POU6F2: variants seen among roughly 807,000 people sequenced by gnomAD.
POU6F2 encodes the protein POU domain, class 6, transcription factor 2.
A neutral mutation model predicts 71.3 loss-of-function variants in POU6F2; 31 were observed. That is an observed-to-expected ratio of 0.43 (90% CI 0.33 to 0.59). The LOEUF is 0.59. Ranked by LOEUF, POU6F2 falls within the 20% of genes least tolerant of loss-of-function variation. POU6F2 has a pLI of 0.04. For missense variants in POU6F2, 783 were observed against 856.8 expected, an observed-to-expected ratio of 0.91 and a Z score of 1.07; for synonymous variants, 347 against 355.7, an observed-to-expected ratio of 0.98 and a Z score of 0.27.
chr7:39,187,991 A>G (rs1472496027), intron 2 of POU6F2, among the ~76,000 whole-genome samples: 1 of 152,190 alleles, frequency 6.6e-6, no homozygotes, highest in Non-Finnish European at 1.5e-5. Flanking sequence ...GATTTCTTCA[A>G]TGCTTCCTTC....
chr7:39,348,577 G>A (rs1786074904), intron 5 of POU6F2, among the ~76,000 whole-genome samples: 1 of 152,128 alleles, frequency 6.6e-6, no homozygotes, highest in African/African-American at 2.4e-5. Context: ...CGGCTGAATT[G>A]GGATTCCAGA....
intron 2 of POU6F2, among the ~76,000 whole-genome samples, chr7:39,140,089 C>T (rs1451958716): frequency 6.6e-6 from 1 of 152,182 alleles, no homozygotes; most frequent in Non-Finnish European, 1.5e-5. Context: ...CTTATCCCTC[C>T]CCACATCATA....
At chr7:39,228,563 GT>G (rs1794515878) in intron 4 of POU6F2, among the ~76,000 whole-genome samples, 1 of 152,218 alleles carries the variant, frequency 6.6e-6, no homozygotes, top group African/African-American at 2.4e-5. Context: ...CACCAGCAGT[GT>G]TTGTGGCACT....
At chr7:39,049,182 T>C (rs1224956350) in intron 1 of POU6F2, among the ~76,000 whole-genome samples, 1 of 151,950 alleles carries the variant, frequency 6.6e-6, no homozygotes, top group Non-Finnish European at 1.5e-5. Flanking sequence ...TGTTTTTTTC[T>C]ATTTCCTTGA....
rs201519589 is a variant in POU6F2 at position 39,464,553 on chromosome 7, G to A, written c.2030G>A (p.Arg677Gln). 7.4e-6 allele frequency: 12 copies of A among 1,613,064 alleles called. No homozygotes were observed. The highest frequency in any genetic ancestry group is 5.0e-5 in the Admixed American group (3 of 59,910). Residue 677 changes from arginine (R) to glutamine (Q), a missense_variant, in exon 10 of 10, where the codon CGA (arginine) becomes CAA (glutamine). Coordinates refer to ENST00000518318, the MANE Select transcript of POU6F2 (RefSeq NM_001370959.1). The surrounding 1 kb of genome is among the most constrained non-coding windows in gnomAD (Gnocchi z 4.1). ...ATTGCTGAGAAGCTGAACTATGACC[G>A]AGAAGTAGTTAGAGTTTGGTTCTGC... ...TEIAEKLNYD[R>Q]EVVRVWFCNK...
intron 2 of POU6F2, among the ~76,000 whole-genome samples, chr7:39,197,766 G>C (rs116269224): frequency 6.6e-6 from 1 of 152,270 alleles, no homozygotes; most frequent in East Asian, 1.9e-4. Flanking sequence ...GTCTGACTTC[G>C]TTCCGCTGAT....
At chr7:39,227,831 A>G (rs1794500327) in intron 4 of POU6F2, among the ~76,000 whole-genome samples, 2 of 152,276 alleles carry the variant, frequency 1.3e-5, no homozygotes, top group South Asian at 4.1e-4. Context: ...TGCTGGGATT[A>G]CAGGCATGAG....
At chr7:39,343,391 G>T (rs1327056888) in intron 5 of POU6F2, among the ~76,000 whole-genome samples, 1 of 146,926 alleles carries the variant, frequency 6.8e-6, no homozygotes, top group Non-Finnish European at 1.5e-5. Flanking sequence ...ATCTTTTGGG[G>T]CAAAAAACAT....
intron 8 of POU6F2, among the ~76,000 whole-genome samples, chr7:39,457,107 T>C (rs1375160409): frequency 2.0e-5 from 3 of 152,212 alleles, no homozygotes; most frequent in Non-Finnish European, 4.4e-5. Context: ...ACGGATTTAG[T>C]TGATAGACTC....
intron 5 of POU6F2, among the ~76,000 whole-genome samples, chr7:39,341,286 G>A (rs1785911752): frequency 6.6e-6 from 1 of 152,192 alleles, no homozygotes; most frequent in African/African-American, 2.4e-5. Context: ...GGAGAGATGA[G>A]TCATTGTGTT....
intron 4 of POU6F2, among the ~76,000 whole-genome samples, chr7:39,318,329 G>T (rs1429577266): frequency 1.3e-5 from 2 of 152,112 alleles, no homozygotes; most frequent in African/African-American, 4.8e-5. Flanking sequence ...CCACTACAGG[G>T]TATGTAATCA....
chr7:39,324,693 G>T (rs1785473689), intron 4 of POU6F2, among the ~76,000 whole-genome samples: 1 of 152,178 alleles, frequency 6.6e-6, no homozygotes, highest in Non-Finnish European at 1.5e-5. Flanking sequence ...CATCCTGGCA[G>T]AAATCCATGA....
chr7:39,243,574 C>A (rs1033335100), intron 4 of POU6F2, among the ~76,000 whole-genome samples: 2 of 152,084 alleles, frequency 1.3e-5, no homozygotes, highest in Admixed American at 1.3e-4. Context: ...GCCCTTTAAT[C>A]CTTATTTCTT....
chr7:39,439,719 C>A lies in POU6F2; in HGVS notation c.1320+6436C>A, dbSNP rs987671968. On this transcript the variant is annotated intron_variant, in intron 7 of 9. Coordinates refer to ENST00000518318, the MANE Select transcript of POU6F2 (RefSeq NM_001370959.1). ...TGGCCAGGCTGCTCTCAAACCCTGA[C>A]CTTAGGTGATCCACCCACCTCAGCC... is the stretch of plus-strand genomic sequence containing the variant. Among the ~76,000 whole-genome samples the A allele has an allele frequency of 1.4e-4, 21 of 152,062 alleles. 1 individual carries two copies. Among genetic ancestry groups the A allele is most frequent in the Admixed American group, 4.6e-4 (7 of 15,272 alleles).
At chr7:39,378,151 C>T (rs1443463127) in intron 5 of POU6F2, among the ~76,000 whole-genome samples, 1 of 152,162 alleles carries the variant, frequency 6.6e-6, no homozygotes, top group African/African-American at 2.4e-5. Context: ...GAAGACAATC[C>T]ATCTCTTATA....
Position 39,304,872 on chromosome 7 carries a change from C to T in POU6F2, c.599-34770C>T, listed in dbSNP as rs1785021078. On this transcript the variant is annotated intron_variant, in intron 4 of 9. Transcript: ENST00000518318. The stretch of plus-strand genomic sequence containing the variant: ...GTCCCTGAGCGATGATTAACCATAG[C>T]CACCAGAGTGTGGTAATAAATTCTA... 2.0e-5 allele frequency among the ~76,000 whole-genome samples: 3 copies of T among 152,190 alleles called. No homozygotes were observed. The South Asian group carries it at 6.2e-4, about 32-fold the overall frequency.
In POU6F2 at chr7:39,339,880, G is replaced by A. The variant is rs1785874652; in HGVS notation, c.837G>A (p.Gln279=). 1.2e-6 allele frequency: 2 copies of A among 1,613,242 alleles called. No homozygotes were observed. Among genetic ancestry groups the A allele is most frequent in the Non-Finnish European group, 1.7e-6 (2 of 1,179,562 alleles). ...TGCAACAGGCGCCTCAGCCCCAGCA[G>A]CACCAACCCCACTCCCACTCCCAGA... ...SQLQQAPQPQ[Q]HQPHSHSQNQ... is the part of the protein sequence containing the mutation. The change falls in exon 5 of 10, where the codon CAG becomes CAA. Residue 279 remains glutamine (Q), a synonymous_variant. Coordinates refer to ENST00000518318, the MANE Select transcript of POU6F2 (RefSeq NM_001370959.1).
At chr7:39,072,811 C>T (rs999381983) in intron 1 of POU6F2, among the ~76,000 whole-genome samples, 2 of 152,230 alleles carry the variant, frequency 1.3e-5, no homozygotes, top group South Asian at 2.1e-4. Context: ...CTGCGTGGAG[C>T]GACATGTTTA....
intron 5 of POU6F2, among the ~76,000 whole-genome samples, chr7:39,343,975 A>G (rs1785977219): frequency 6.6e-6 from 1 of 152,202 alleles, no homozygotes; most frequent in Non-Finnish European, 1.5e-5. Flanking sequence ...TAATGATAGC[A>G]GAAGCAGATT....
Sources: gnomAD v4.1 joint callset for allele counts (sites outside exome capture counted in the v4.1 genomes callset) on GRCh38, gnomAD v4.1.1 for gene constraint, Gnocchi (gnomAD v3.1) non-coding constraint, MANE v1.5 for transcripts, NCBI Gene and HGNC (gene_info 2026-07-23, HGNC 2026-07-21) for gene names.